Variants in CORIN observed in about 807,000 individuals in gnomAD.
CORIN encodes the protein atrial natriuretic peptide-converting enzyme.
A neutral mutation model predicts 125.3 loss-of-function variants in CORIN; 117 were observed. The ratio of observed to expected loss-of-function variants is 0.93; its 90% CI spans 0.80 to 1.09. CORIN has a LOEUF of 1.09. Ranked by LOEUF, CORIN falls within the 50% of genes least tolerant of loss-of-function variation. The pLI is 0.00. For synonymous variants in CORIN, 450 were observed against 466.4 expected, an observed-to-expected ratio of 0.96 and a Z score of 0.45; for missense variants, 1,253 against 1,306.7, an observed-to-expected ratio of 0.96 and a Z score of 0.63.
rs1472149120 is a variant in CORIN, at chr4:47,807,117, G to C, written c.64-70C>G. On this transcript the variant is annotated intron_variant, in intron 1 of 21. Coordinates refer to ENST00000273857, the MANE Select transcript of CORIN (RefSeq NM_006587.4). ...ACATGGTATGAAATTTTAGGTTACAGCTATCCATTTAGAACAGCACATTCC... is the reference window on the plus strand; with the variant it reads ...ACATGGTATGAAATTTTAGGTTACACCTATCCATTTAGAACAGCACATTCC... 2.3e-6 allele frequency: 3 copies of C among 1,294,582 alleles called. No homozygotes were observed. In the African/African-American group the frequency reaches 4.4e-5, roughly 19 times the overall value. The allele number at this position is 1,294,582 out of a possible 1,614,324, so 80.2% of individuals were successfully genotyped here.
intron 13 of CORIN, 77 bp downstream of exon 13, chr4:47,653,476 T>C: frequency 8.5e-7 from 1 of 1,169,976 alleles, no homozygotes; most frequent in East Asian, 2.4e-5. Context: ...GTGAATAGTT[T>C]CCATTTTTAA....
chr4:47,724,342 G>A (rs1411316895), intron 5 of CORIN, among the ~76,000 whole-genome samples: 1 of 152,012 alleles, frequency 6.6e-6, no homozygotes, highest in Non-Finnish European at 1.5e-5. Flanking sequence ...ATGAACAAAA[G>A]AGAAAAGTTT....
At chr4:47,774,466 T>G (rs186840945) in intron 3 of CORIN, among the ~76,000 whole-genome samples, 54 of 152,264 alleles carry the variant, frequency 3.5e-4, no homozygotes, top group African/African-American at 1.2e-3. Context: ...ATTGCTTAAA[T>G]TAAATAGTAG....
At chr4:47,658,467 C>T (rs994222474) in intron 12 of CORIN, among the ~76,000 whole-genome samples, 1 of 152,258 alleles carries the variant, frequency 6.6e-6, no homozygotes, top group African/African-American at 2.4e-5. Context: ...AAGCCTACTT[C>T]CCACAGCTCC....
At chr4:47,673,506 A>T (rs1313770467) in intron 10 of CORIN, among the ~76,000 whole-genome samples, 1 of 152,242 alleles carries the variant, frequency 6.6e-6, no homozygotes, top group Non-Finnish European at 1.5e-5. Flanking sequence ...GTATAACATG[A>T]AAACAGAGCC....
chr4:47,696,530 A>C (rs1726014419), intron 5 of CORIN, among the ~76,000 whole-genome samples: 2 of 152,212 alleles, frequency 1.3e-5, no homozygotes, highest in Admixed American at 6.5e-5. Flanking sequence ...AATTTTACCA[A>C]GTAAAGATAC....
At chr4:47,759,288 G>A (rs1306615458) in intron 4 of CORIN, among the ~76,000 whole-genome samples, 1 of 152,074 alleles carries the variant, frequency 6.6e-6, no homozygotes, top group Non-Finnish European at 1.5e-5. Flanking sequence ...GAAAACATAG[G>A]GGGAACCTAT....
At chr4:47,624,203 T>TAA in intron 17 of CORIN, among the ~76,000 whole-genome samples, 1 of 152,350 alleles carries the variant, frequency 6.6e-6, no homozygotes, top group South Asian at 2.1e-4. Flanking sequence ...TTAGTTTATT[T>TAA]AATGTCATCA....
At chr4:47,731,478 C>T (rs34590212) in intron 5 of CORIN, among the ~76,000 whole-genome samples, 5 of 151,870 alleles carry the variant, frequency 3.3e-5, no homozygotes, top group African/African-American at 7.3e-5. Context: ...TGAAATGAGG[C>T]GAAAACACAA....
At chr4:47,770,206 C>T (rs1041761875) in intron 3 of CORIN, among the ~76,000 whole-genome samples, 1 of 151,968 alleles carries the variant, frequency 6.6e-6, no homozygotes, top group Non-Finnish European at 1.5e-5. Flanking sequence ...CCTAAATAGA[C>T]ATTTCACAAA....
chr4:47,787,262 TA>T (rs984733787), intron 2 of CORIN, among the ~76,000 whole-genome samples: 2 of 152,288 alleles, frequency 1.3e-5, no homozygotes, highest in Middle Eastern at 3.4e-3. Flanking sequence ...CACCACACAA[TA>T]AAATGTGGTG....
chr4:47,748,543 G>A (rs1231672430), intron 4 of CORIN, among the ~76,000 whole-genome samples: 2 of 152,118 alleles, frequency 1.3e-5, no homozygotes, highest in Middle Eastern at 3.2e-3. Context: ...ACAATATAGT[G>A]ATAGTGAAGT....
At chr4:47,613,612 G>C (rs1005797436) in intron 19 of CORIN, among the ~76,000 whole-genome samples, 1 of 151,556 alleles carries the variant, frequency 6.6e-6, no homozygotes, top group Non-Finnish European at 1.5e-5. Flanking sequence ...TATACACCAT[G>C]GAATACTATG....
At chr4:47,671,162 T>G (rs1724739885) in intron 10 of CORIN, among the ~76,000 whole-genome samples, 1 of 152,232 alleles carries the variant, frequency 6.6e-6, no homozygotes, top group African/African-American at 2.4e-5. Context: ...TAAAAAATAC[T>G]GATGACTGGG....
At chr4:47,650,340 T>C (rs2109635675) in intron 13 of CORIN, among the ~76,000 whole-genome samples, 1 of 152,354 alleles carries the variant, frequency 6.6e-6, no homozygotes, top group Non-Finnish European at 1.5e-5. Context: ...TGATTCTGTG[T>C]TCATGTAATA....
At chr4:47,671,786 T>C (rs1724771869) in intron 10 of CORIN, among the ~76,000 whole-genome samples, 2 of 151,904 alleles carry the variant, frequency 1.3e-5, no homozygotes, top group Non-Finnish European at 2.9e-5. Context: ...AGACTGGGTA[T>C]CACCATGTTA....
At chr4:47,680,035 A>C in intron 8 of CORIN, 106 bp downstream of exon 8, 1 of 655,326 alleles carries the variant, frequency 1.5e-6, no homozygotes, top group Non-Finnish European at 2.7e-6. Context: ...TTTCCCTTGG[A>C]ATGCTGTGTA....
intron 5 of CORIN, among the ~76,000 whole-genome samples, chr4:47,710,621 C>A (rs1197479714): frequency 1.3e-5 from 2 of 152,222 alleles, no homozygotes; most frequent in Non-Finnish European, 2.9e-5. Context: ...CCCCGCTTGT[C>A]CTTGGCCGCT....
chr4:47,835,257 C>T (rs972951542), intron 1 of CORIN, among the ~76,000 whole-genome samples: 3 of 152,150 alleles, frequency 2.0e-5, no homozygotes, highest in African/African-American at 4.8e-5. Flanking sequence ...TCCATTTGGT[C>T]CAGCAAAATG....
Sources: allele counts gnomAD v4.1 joint callset (sites outside exome capture counted in the v4.1 genomes callset), GRCh38; gene constraint gnomAD v4.1.1; transcripts MANE v1.5; gene names NCBI Gene and HGNC (gene_info 2026-07-23, HGNC 2026-07-21).